MIER1: variants seen among roughly 807,000 people sequenced by gnomAD.
MIER1 encodes the protein MIER1 transcriptional regulator.
MIER1 carries 40 observed loss-of-function variants against 75.7 expected under a neutral mutation model. The observed-to-expected ratio is 0.53, with a 90% CI of 0.41 to 0.69. The LOEUF is 0.69. MIER1 is among the 30% of genes least tolerant of loss of function. The probability of loss-of-function intolerance (pLI) is 0.00; values close to 1 mark genes in which losing one functional copy is unlikely to be tolerated. For missense variants in MIER1, 574 were observed against 680.2 expected, an observed-to-expected ratio of 0.84 and a Z score of 1.74; for synonymous variants, 213 against 223.4, an observed-to-expected ratio of 0.95 and a Z score of 0.42.
chr1:66,941,992 C>A (rs1656353055), intron 3 of MIER1, among the ~76,000 whole-genome samples: 1 of 144,918 alleles, frequency 6.9e-6, no homozygotes, highest in Non-Finnish European at 1.5e-5. Context: ...AAAAAACAGT[C>A]TTTGATAGCT....
chr1:66,933,106 C>T (rs1037700340), intron 2 of MIER1, among the ~76,000 whole-genome samples: 2 of 152,062 alleles, frequency 1.3e-5, no homozygotes, highest in African/African-American at 4.8e-5. Context: ...TTTCTCATTG[C>T]TTATTATCCC....
At chr1:66,969,470 G>A (rs1241401214) in intron 8 of MIER1, among the ~76,000 whole-genome samples, 1 of 144,806 alleles carries the variant, frequency 6.9e-6, no homozygotes, top group Non-Finnish European at 1.5e-5. Flanking sequence ...GCTTGAACCT[G>A]GGAGGCGGAG....
intron 8 of MIER1, among the ~76,000 whole-genome samples, chr1:66,966,962 T>C (rs1423112913): frequency 6.6e-6 from 1 of 152,208 alleles, no homozygotes; most frequent in East Asian, 1.9e-4. Flanking sequence ...ATTCTGTAGG[T>C]TGTCTCTTTG....
At chr1:66,930,457 C>G (rs1387575764) in intron 2 of MIER1, 3 of 1,584,774 alleles carry the variant, frequency 1.9e-6, no homozygotes, top group Non-Finnish European at 1.7e-6. Context: ...GGCCCTGGGC[C>G]GGGGAGGAGT....
At chr1:66,929,665 T>C (rs1395559935) in intron 2 of MIER1, among the ~76,000 whole-genome samples, 1 of 152,226 alleles carries the variant, frequency 6.6e-6, no homozygotes, top group Non-Finnish European at 1.5e-5. Context: ...ACTGTGTTGC[T>C]ACCGGCATGA....
chr1:66,956,664 C>T (rs1660196856), intron 4 of MIER1, among the ~76,000 whole-genome samples: 1 of 152,110 alleles, frequency 6.6e-6, no homozygotes, highest in South Asian at 2.1e-4. Flanking sequence ...CAATACCTTG[C>T]CTTGATAAAG....
chr1:66,986,592 G>A lies in MIER1; in HGVS notation c.*1692G>A, dbSNP rs1418822303. 3.7e-6 allele frequency: 3 copies of A among 808,050 alleles called. No homozygotes were observed. Among genetic ancestry groups the A allele is most frequent in the African/African-American group, 1.7e-5 (1 of 57,904 alleles). 50.1% of individuals were successfully genotyped at this position (808,050 alleles called of 1,614,324 possible). A position where few individuals can be genotyped will look rare whatever the true frequency, so the allele number is the denominator to read the frequency against. ...GAAGTATTACTGTTAACATATGTTC[G>A]GACTGCTTCCCTTCACCAATGTGAA... On this transcript the variant is annotated 3_prime_UTR_variant, in exon 14 of 14. Coordinates refer to ENST00000401041, the MANE Select transcript of MIER1 (RefSeq NM_001077700.3).
chr1:66,975,794 A>G (rs1664591523), intron 11 of MIER1, among the ~76,000 whole-genome samples: 2 of 152,154 alleles, frequency 1.3e-5, no homozygotes, highest in South Asian at 4.1e-4. Flanking sequence ...GATACTTTTA[A>G]CTCACTGTGG....
chr1:66,971,612 G>T, intron 9 of MIER1, 43 bp from the exon 10 acceptor site: 1 of 1,009,324 alleles, frequency 9.9e-7, no homozygotes, highest in Non-Finnish European at 1.5e-6. Flanking sequence ...GCATTGAACT[G>T]TTTATAGTCC....
intron 4 of MIER1, 59 bp downstream of exon 4, chr1:66,946,354 G>A: frequency 1.3e-6 from 2 of 1,482,212 alleles, no homozygotes; most frequent in Non-Finnish European, 1.8e-6. Flanking sequence ...GGAAAGGGAA[G>A]ATCTGAAATT....
At chr1:66,936,494 A>G (rs1654875039) in intron 2 of MIER1, among the ~76,000 whole-genome samples, 1 of 151,914 alleles carries the variant, frequency 6.6e-6, no homozygotes, top group South Asian at 2.1e-4. Context: ...CGGCCTCCCA[A>G]AGTGCTAGGA....
intron 2 of MIER1, among the ~76,000 whole-genome samples, chr1:66,930,591 G>C (rs966970419): frequency 6.6e-6 from 1 of 152,014 alleles, no homozygotes; most frequent in Non-Finnish European, 1.5e-5. Context: ...CCGGGGGTAG[G>C]AGGAAGCGGA....
chr1:66,970,758 A>G (rs575853576), intron 8 of MIER1, 50 bp from the exon 9 acceptor site: 4 of 1,369,334 alleles, frequency 2.9e-6, no homozygotes, highest in South Asian at 1.6e-5. Flanking sequence ...TTTAACACAA[A>G]CTCTATCAGT....
intron 2 of MIER1, chr1:66,930,489 G>C (rs891056270): frequency 2.2e-6 from 3 of 1,377,420 alleles, no homozygotes; most frequent in East Asian, 2.6e-5. Flanking sequence ...GGCCAGGAGA[G>C]GCCCGGCCCT....
intron 2 of MIER1, among the ~76,000 whole-genome samples, chr1:66,938,464 C>A (rs1655434965): frequency 6.6e-6 from 1 of 152,022 alleles, no homozygotes; most frequent in Non-Finnish European, 1.5e-5. Flanking sequence ...GAAGATTGTG[C>A]CTACAGTTGG....
chr1:66,932,857 A>AAG (rs1342184677), intron 2 of MIER1: 3 of 152,060 alleles, frequency 2.0e-5, no homozygotes, highest in Non-Finnish European at 4.4e-5. Context: ...AAAAAAAAAA[A>AAG]TTGATGCTTC....
chr1:66,970,744 A>G (rs2101871324), intron 8 of MIER1, 64 bp from the exon 9 acceptor site: 1 of 1,247,966 alleles, frequency 8.0e-7, no homozygotes, highest in East Asian at 2.6e-5. Flanking sequence ...ATTTAGTAAT[A>G]TGTTTTAACA....
chr1:66,959,007 T>G, intron 6 of MIER1, 24 bp downstream of exon 6: 1 of 1,598,256 alleles, frequency 6.3e-7, no homozygotes, highest in Non-Finnish European at 8.6e-7. Context: ...GTTGATAATA[T>G]TTGAATATAA....
In MIER1 at chr1:66,925,002, G is replaced by A. The variant is rs1215522897; in HGVS notation, c.-27G>A. 3.9e-6 allele frequency: 6 copies of A among 1,545,260 alleles called. No individual in the cohort carries two copies. Among genetic ancestry groups the A allele is most frequent in the East Asian group, 2.4e-5 (1 of 41,064 alleles). On this transcript the variant is annotated 5_prime_UTR_variant, in exon 1 of 14. Transcript: ENST00000401041. ...CGGCCCGGGCCTCAGGCCCCTCCCA[G>A]GCTCTGAGTCTCCCGGCTGCAGGCG...
Sources: gnomAD v4.1 joint callset for allele counts (sites outside exome capture counted in the v4.1 genomes callset) on GRCh38, gnomAD v4.1.1 for gene constraint, MANE v1.5 for transcripts, NCBI Gene and HGNC (gene_info 2026-07-23, HGNC 2026-07-21) for gene names.